SCFD2: variants seen among roughly 807,000 people sequenced by gnomAD.
SCFD2 encodes the protein sec1 family domain-containing protein 2.
SCFD2 carries 54 observed loss-of-function variants against 58.9 expected under a neutral mutation model. The observed-to-expected ratio is 0.92, with a 90% confidence interval of 0.74 to 1.15. SCFD2 has a LOEUF of 1.15. Ranked by LOEUF, SCFD2 falls within the 50% of genes most tolerant of loss-of-function variation. The pLI is 0.00. For missense variants in SCFD2, 805 were observed against 836.6 expected, an observed-to-expected ratio of 0.96 and a Z score of 0.47; for synonymous variants, 321 against 335.9, an observed-to-expected ratio of 0.96 and a Z score of 0.49.
chr4:53,202,947 A>G (rs540884619), intron 4 of SCFD2, among the ~76,000 whole-genome samples: 70 of 152,340 alleles, frequency 4.6e-4, no homozygotes, highest in African/African-American at 1.6e-3. Flanking sequence ...GGGGTTATCT[A>G]GATATACAAT....
At chr4:53,230,656 G>A (rs1463230236) in intron 4 of SCFD2, among the ~76,000 whole-genome samples, 1 of 151,432 alleles carries the variant, frequency 6.6e-6, no homozygotes, top group African/African-American at 2.4e-5. Context: ...AGCATCAGGA[G>A]CTATACCTAA....
chr4:53,288,817 C>A (rs1352926073), intron 3 of SCFD2, among the ~76,000 whole-genome samples: 1 of 152,190 alleles, frequency 6.6e-6, no homozygotes, highest in African/African-American at 2.4e-5. Flanking sequence ...AAGTATAAAA[C>A]TCACTGGTAG....
chr4:53,059,973 C>G (rs1056402792), intron 5 of SCFD2, among the ~76,000 whole-genome samples: 1 of 152,082 alleles, frequency 6.6e-6, no homozygotes, highest in Non-Finnish European at 1.5e-5. Flanking sequence ...TCCTCTCACT[C>G]TAAGTGGGAA....
At chr4:52,890,269 G>A (rs922553339) in intron 7 of SCFD2, among the ~76,000 whole-genome samples, 5 of 152,198 alleles carry the variant, frequency 3.3e-5, no homozygotes, top group Non-Finnish European at 7.3e-5. Flanking sequence ...TTGGAAGGAT[G>A]TATTGACAGA....
At chr4:52,879,053 A>AGT (rs1279188610) in intron 8 of SCFD2, among the ~76,000 whole-genome samples, 1 of 151,568 alleles carries the variant, frequency 6.6e-6, no homozygotes, top group Non-Finnish European at 1.5e-5. Flanking sequence ...CACAGGCCTG[A>AGT]GTGTCATTCA....
intron 4 of SCFD2, among the ~76,000 whole-genome samples, chr4:53,164,235 T>C (rs1025807013): frequency 2.6e-5 from 4 of 152,178 alleles, no homozygotes; most frequent in Non-Finnish European, 4.4e-5. Context: ...TTTATGTTCC[T>C]CTAAAGATTC....
intron 3 of SCFD2, among the ~76,000 whole-genome samples, chr4:53,281,210 T>C (rs1731498422): frequency 6.6e-6 from 1 of 152,250 alleles, no homozygotes; most frequent in South Asian, 2.1e-4. Flanking sequence ...GCTGTAACAT[T>C]GATTTATAGA....
chr4:53,269,564 A>G (rs1041550356), intron 4 of SCFD2, among the ~76,000 whole-genome samples: 1 of 152,190 alleles, frequency 6.6e-6, no homozygotes, highest in Admixed American at 6.5e-5. Flanking sequence ...TATAAATATC[A>G]ACAACAAAGC....
At chr4:53,275,251 C>A (rs1731293569) in intron 3 of SCFD2, among the ~76,000 whole-genome samples, 1 of 152,304 alleles carries the variant, frequency 6.6e-6, no homozygotes, top group South Asian at 2.1e-4. Flanking sequence ...AACTCAAAAG[C>A]CTACAACATA....
At chr4:53,268,651 C>T (rs1410213295) in intron 4 of SCFD2, among the ~76,000 whole-genome samples, 4 of 151,964 alleles carry the variant, frequency 2.6e-5, no homozygotes, top group South Asian at 2.1e-4. Flanking sequence ...TGCTGGAGCC[C>T]GAGAGGCATG....
Position 53,094,496 on chromosome 4 carries a change from C to T in SCFD2, c.1561+50837G>A, listed in dbSNP as rs80095340. Among the ~76,000 whole-genome samples the T allele has an allele frequency of 3.5e-3, 535 of 152,104 alleles. 1 individual carries two copies. The highest frequency in any genetic ancestry group is 0.012 in the African/African-American group (515 of 41,498). ...TGGATTATCGCCCACCTAATGACCT[C>T]ATGCAGCCATCATTAACCTCTTTAA... On this transcript the variant is annotated intron_variant, in intron 5 of 8. Transcript: ENST00000401642.
chr4:53,364,355 A>G (rs1214716110), intron 1 of SCFD2, among the ~76,000 whole-genome samples: 1 of 152,232 alleles, frequency 6.6e-6, no homozygotes, highest in Non-Finnish European at 1.5e-5. Context: ...TGGCTAGGCT[A>G]TATTACTAAC....
At chr4:53,014,656 C>T (rs772623190) in intron 5 of SCFD2, among the ~76,000 whole-genome samples, 4 of 152,200 alleles carry the variant, frequency 2.6e-5, no homozygotes, top group Non-Finnish European at 5.9e-5. Flanking sequence ...GATATTAGGG[C>T]TCCTTGGGCT....
intron 7 of SCFD2, among the ~76,000 whole-genome samples, chr4:52,904,857 G>A (rs551606055): frequency 4.6e-5 from 7 of 152,296 alleles, no homozygotes; most frequent in South Asian, 2.1e-4. Flanking sequence ...TTAGGAAAAC[G>A]CCTGAGAACA....
At chr4:53,346,146 T>C (rs1003359276) in intron 2 of SCFD2, among the ~76,000 whole-genome samples, 2 of 152,134 alleles carry the variant, frequency 1.3e-5, no homozygotes, top group African/African-American at 4.8e-5. Context: ...TATTTATACA[T>C]GTTCATATGT....
intron 5 of SCFD2, among the ~76,000 whole-genome samples, chr4:53,018,578 A>C (rs1479178911): frequency 6.6e-6 from 1 of 152,170 alleles, no homozygotes; most frequent in Non-Finnish European, 1.5e-5. Flanking sequence ...TAGTCAATCA[A>C]TTCTATGTCA....
intron 4 of SCFD2, among the ~76,000 whole-genome samples, chr4:53,156,514 G>A (rs1003279545): frequency 5.3e-5 from 8 of 151,746 alleles, no homozygotes; most frequent in Admixed American, 3.9e-4. Flanking sequence ...TGACTAACAC[G>A]GTGAAACCCC....
At chr4:53,200,029 C>A (rs1227905301) in intron 4 of SCFD2, among the ~76,000 whole-genome samples, 2 of 151,938 alleles carry the variant, frequency 1.3e-5, no homozygotes, top group East Asian at 3.9e-4. Flanking sequence ...GGCATTAATC[C>A]TATCAGAAGG....
At chr4:53,349,991 G>C (rs560942452) in intron 2 of SCFD2, among the ~76,000 whole-genome samples, 1 of 152,108 alleles carries the variant, frequency 6.6e-6, no homozygotes, top group Non-Finnish European at 1.5e-5. Context: ...AACTTCCTTC[G>C]TCTTCTATAA....
Sources: gnomAD v4.1 joint callset for allele counts (sites outside exome capture counted in the v4.1 genomes callset) on GRCh38, gnomAD v4.1.1 for gene constraint, MANE v1.5 for transcripts, NCBI Gene and HGNC (gene_info 2026-07-23, HGNC 2026-07-21) for gene names.